Variants in AP3S2 observed in about 807,000 individuals in gnomAD.
AP3S2 encodes the protein adaptor related protein complex 3 subunit sigma 2, also known as AP-3 complex subunit sigma-2.
In AP3S2, 22 loss-of-function variants were observed where a neutral mutation model predicts 23.4. The observed-to-expected ratio is 0.94, with a 90% CI of 0.67 to 1.34. The LOEUF is 1.34. Ranked by LOEUF, AP3S2 falls within the 40% of genes most tolerant of loss-of-function variation. The pLI is 0.00. For missense variants in AP3S2, 241 were observed against 236.9 expected (o/e 1.02, Z -0.11); for synonymous variants, 86 against 87.1 (o/e 0.99, Z 0.07).
At chr15:89,876,995 GAAC>G in intron 3 of AP3S2, 1 of 279,058 alleles carries the variant, frequency 3.6e-6, no homozygotes, top group South Asian at 3.5e-5. Flanking sequence ...GAAATTTGCT[GAAC>G]AAGAGGAAAA....
intron 1 of AP3S2, chr15:89,889,403 G>A: frequency 2.7e-6 from 1 of 372,582 alleles, no homozygotes; most frequent in East Asian, 4.7e-5. Context: ...TAGGTAAGCT[G>A]ATATTTAAAC....
intron 4 of AP3S2, among the ~76,000 whole-genome samples, chr15:89,854,025 G>C (rs1293134743): frequency 1.8e-5 from 1 of 54,706 alleles, no homozygotes; most frequent in Non-Finnish European, 3.9e-5. Flanking sequence ...CGTGGGGGGG[G>C]GGTCAGCCCC....
intron 1 of AP3S2, among the ~76,000 whole-genome samples, chr15:89,891,210 C>T (rs1896812311): frequency 1.3e-5 from 2 of 151,982 alleles, no homozygotes; most frequent in African/African-American, 2.4e-5. Flanking sequence ...TTTTAATAAC[C>T]CCTCATATCT....
chr15:89,832,460 C>T lies in AP3S2; in HGVS notation c.*3055G>A, dbSNP rs1266870765. 1.3e-5 allele frequency: 2 copies of T among 151,090 alleles called. No individual in the cohort carries two copies. The highest frequency in any genetic ancestry group is 6.6e-5 in the Admixed American group (1 of 15,092). The allele number at this position is 151,090 out of a possible 1,614,324, so 9.4% of individuals were successfully genotyped here. On this transcript the variant is annotated 3_prime_UTR_variant, in exon 6 of 6. Coordinates refer to ENST00000336418, the MANE Select transcript of AP3S2 (RefSeq NM_005829.5). ...CCCCCATCTCACAAAAAAAGGAAAGCCTAGTATTCTATACAACCTTAACCT... is the reference window on the plus strand; with the variant it reads ...CCCCCATCTCACAAAAAAAGGAAAGTCTAGTATTCTATACAACCTTAACCT...
At chr15:89,885,197 T>C (rs1228781159) in intron 3 of AP3S2, among the ~76,000 whole-genome samples, 1 of 151,788 alleles carries the variant, frequency 6.6e-6, no homozygotes, top group Admixed American at 6.6e-5. Flanking sequence ...AGTTTTTTGT[T>C]CTTGTTTTTT....
chr15:89,835,263 G>T lies in AP3S2; in HGVS notation c.*252C>A, dbSNP rs1895160578. 1.8e-6 allele frequency: 1 copy of T among 557,006 alleles called. No individual in the cohort carries two copies. Among genetic ancestry groups the T allele is most frequent in the South Asian group, 3.0e-5 (1 of 32,980 alleles). 34.5% of individuals were successfully genotyped at this position (557,006 alleles called of 1,614,324 possible). A position where few individuals can be genotyped will look rare whatever the true frequency, so the allele number is the denominator to read the frequency against. Reference sequence around the variant, plus strand: ...TTGACTCCCTACTGAGGAAGGCAGGGCCCCTCACATCTGCAGTGGCCGTAT... The same window carrying T: ...TTGACTCCCTACTGAGGAAGGCAGGTCCCCTCACATCTGCAGTGGCCGTAT... On this transcript the variant is annotated 3_prime_UTR_variant, in exon 6 of 6. Transcript: ENST00000336418.
intron 4 of AP3S2, among the ~76,000 whole-genome samples, chr15:89,838,991 G>A (rs1312252456): frequency 1.3e-5 from 2 of 152,114 alleles, no homozygotes; most frequent in African/African-American, 2.4e-5. Flanking sequence ...GTGACATCTG[G>A]GACCAGATAA....
At chr15:89,880,589 G>A (rs1291461250) in intron 3 of AP3S2, among the ~76,000 whole-genome samples, 4 of 151,476 alleles carry the variant, frequency 2.6e-5, no homozygotes, top group Non-Finnish European at 5.9e-5. Flanking sequence ...CAGGAGAATC[G>A]CTTGAACCCA....
intron 4 of AP3S2, among the ~76,000 whole-genome samples, chr15:89,855,180 T>G (rs1317639180): frequency 1.2e-5 from 1 of 84,006 alleles, no homozygotes; most frequent in Non-Finnish European, 2.4e-5. Flanking sequence ...TGTTCTGCAC[T>G]AAGAAAAATT....
rs570842122 is a variant in AP3S2 at position 89,893,872 on chromosome 15, C to G, written c.69+9G>C. The G allele has an allele frequency of 5.8e-5, 90 of 1,551,600 alleles. 2 individuals carry two copies. The South Asian group carries it at 1.1e-3, about 18-fold the overall frequency. ...CTGAAGGGGCGTGGTGAAGCCGGGCCGCACTCACGAAACGCTGGTAGAAGC... is the reference window on the plus strand; with the variant it reads ...CTGAAGGGGCGTGGTGAAGCCGGGCGGCACTCACGAAACGCTGGTAGAAGC... On this transcript the variant is annotated intron_variant, in intron 1 of 5. Coordinates refer to ENST00000336418, the MANE Select transcript of AP3S2 (RefSeq NM_005829.5).
chr15:89,889,428 T>C, intron 1 of AP3S2: 1 of 322,866 alleles, frequency 3.1e-6, no homozygotes, highest in Non-Finnish European at 5.9e-6. Context: ...AAAGGAACAT[T>C]GATAAACTCT....
intron 4 of AP3S2, among the ~76,000 whole-genome samples, chr15:89,844,232 TTTC>T (rs1895415786): frequency 1.7e-5 from 1 of 59,124 alleles, no homozygotes; most frequent in African/African-American, 6.5e-5. Context: ...TCTTTCTTTC[TTTC>T]TTTCTTTCTT....
rs1049353951 is a variant in AP3S2, at chr15:89,832,281, T to TA, written c.*3233dup. ...GCAACATAGTGAGACCTTATTCTAC[T>TA]AAAAAAATAAAACTAGCCAGGAGTG... On this transcript the variant is annotated 3_prime_UTR_variant, in exon 6 of 6. Transcript: ENST00000336418. 6.6e-6 allele frequency: 1 copy of TA among 151,730 alleles called. No homozygotes were observed. The highest frequency in any genetic ancestry group is 6.6e-5 in the Admixed American group (1 of 15,218). 9.4% of individuals were successfully genotyped at this position (151,730 alleles called of 1,614,324 possible).
chr15:89,888,392 T>C, intron 3 of AP3S2, 129 bp downstream of exon 3: 1 of 780,036 alleles, frequency 1.3e-6, no homozygotes, highest in Non-Finnish European at 2.1e-6. Flanking sequence ...CAGAGCACCA[T>C]CTGGTGGACA....
At position 89,837,670 on chromosome 15, in the gene AP3S2, T is replaced by A; in HGVS notation, c.398A>T (p.Asn133Ile). Residue 133 changes from asparagine to isoleucine, a missense_variant, in exon 5 of 6, where the codon AAC (asparagine) becomes ATC (isoleucine). Physicochemically the swap from Asn to Ile is moderately radical, Grantham distance 149 (BLOSUM62 -3). Transcript: ENST00000336418. The part of the protein sequence containing the change: ...VVMGGMVLET[N>I]MNEIVAQIEA... ...AATCTGAGCCACGATTTCATTCATG[T>A]TTGTTTCCAACACCATCCCACCCAT... 1.9e-6 allele frequency: 3 copies of A among 1,614,166 alleles called. No individual in the cohort carries two copies. The highest frequency in any genetic ancestry group is 2.5e-6 in the Non-Finnish European group (3 of 1,180,026).
intron 4 of AP3S2, among the ~76,000 whole-genome samples, chr15:89,849,542 A>AT (rs1596192897): frequency 6.6e-6 from 1 of 151,690 alleles, no homozygotes; most frequent in East Asian, 1.9e-4. Context: ...AATTTTTTGT[A>AT]TTTTTAGTAG....
At chr15:89,837,810 G>A (rs1895233230) in intron 4 of AP3S2, 88 bp from the exon 5 acceptor site, 7 of 1,519,142 alleles carry the variant, frequency 4.6e-6, no homozygotes, top group African/African-American at 1.4e-5. Context: ...CAGCAGCAGA[G>A]TGGTCAGATA....
At chr15:89,866,186 C>T (rs55736028) in intron 4 of AP3S2, among the ~76,000 whole-genome samples, 20,193 of 141,204 alleles carry the variant, frequency 0.14, 1,795 homozygotes, top group Middle Eastern at 0.3. Context: ...CACTTGAACA[C>T]GGGAAGCAGA....
chr15:89,882,976 G>C (rs1303920372), intron 3 of AP3S2, among the ~76,000 whole-genome samples: 2 of 152,098 alleles, frequency 1.3e-5, no homozygotes. Flanking sequence ...TGTCATCTTT[G>C]CTTGACTCTT....
Sources: allele counts gnomAD v4.1 joint callset (sites outside exome capture counted in the v4.1 genomes callset), GRCh38; gene constraint gnomAD v4.1.1; transcripts MANE v1.5; gene names NCBI Gene and HGNC (gene_info 2026-07-23, HGNC 2026-07-21).